Variants in DAZAP1 observed in about 807,000 individuals in gnomAD.
DAZAP1 encodes the protein DAZ associated protein 1, also known as DAZ-associated protein 1.
In DAZAP1, 6 loss-of-function variants were observed where a neutral mutation model predicts 60.1. The observed-to-expected ratio is 0.10, with a 90% CI of 0.05 to 0.20. DAZAP1 has a LOEUF of 0.20. DAZAP1 is among the 10% of genes least tolerant of loss of function. DAZAP1 has a pLI of 1.00. For missense variants in DAZAP1, 366 were observed against 560.4 expected (o/e 0.65, Z 3.50); for synonymous variants, 235 against 215.9 (o/e 1.09, Z -0.78).
At chr19:1,421,363 T>C (rs556239945) in intron 5 of DAZAP1, 105 bp downstream of exon 5, 1 of 961,482 alleles carries the variant, frequency 1.0e-6, no homozygotes, top group Non-Finnish European at 1.6e-6. Flanking sequence ...GCACGGGCCT[T>C]TCAGGCTGGG....
At position 1,434,610 on chromosome 19, in the gene DAZAP1, C is replaced by A. The variant is rs900617111; in HGVS notation, c.1049-127C>A. On this transcript the variant is annotated intron_variant, in intron 11 of 11. Coordinates refer to ENST00000233078, the MANE Select transcript of DAZAP1 (RefSeq NM_018959.4). The surrounding 1 kb of genome is among the most constrained non-coding windows in gnomAD (Gnocchi z 8.0). Reference sequence around the variant, plus strand: ...CCCAGGTGCTGGCCTCAGAAGGGCCCCACCCGCACCCCGTGGGACCCGTGG... The same window carrying A: ...CCCAGGTGCTGGCCTCAGAAGGGCCACACCCGCACCCCGTGGGACCCGTGG... The A allele has an allele frequency of 2.1e-6, 2 of 953,780 alleles. No individual in the cohort carries two copies. The highest frequency in any genetic ancestry group is 2.7e-5 in the East Asian group (1 of 36,504). The allele number at this position is 953,780 out of a possible 1,614,324, so 59.1% of individuals were successfully genotyped here.
intron 1 of DAZAP1, chr19:1,409,918 A>T (rs990136903): frequency 6.6e-6 from 1 of 152,412 alleles, no homozygotes; most frequent in Non-Finnish European, 1.5e-5. Context: ...GCTCACTGCC[A>T]TGGAGGAGGC....
In DAZAP1 at chr19:1,426,227, G is replaced by A; in HGVS notation, c.546+267G>A. On this transcript the variant is annotated intron_variant, in intron 7 of 11. Coordinates refer to ENST00000233078, the MANE Select transcript of DAZAP1 (RefSeq NM_018959.4). The surrounding 1 kb of genome is among the most constrained non-coding windows in gnomAD (Gnocchi z 5.4). Reference sequence around the variant, plus strand: ...TGGGACTGGGCGGGTAGGGGGCTGGGGCTGGGAGGCTGTGGCGGTGTTGGG... The same window carrying A: ...TGGGACTGGGCGGGTAGGGGGCTGGAGCTGGGAGGCTGTGGCGGTGTTGGG... 4.5e-6 allele frequency: 2 copies of A among 440,154 alleles called. No homozygotes were observed. The highest frequency in any genetic ancestry group is 4.5e-5 in the East Asian group (1 of 22,268). 27.3% of individuals were successfully genotyped at this position (440,154 alleles called of 1,614,324 possible).
At chr19:1,409,617 G>A (rs898164584) in intron 1 of DAZAP1, among the ~76,000 whole-genome samples, 1 of 152,274 alleles carries the variant, frequency 6.6e-6, no homozygotes, top group Non-Finnish European at 1.5e-5. Flanking sequence ...ACAGCCGCCC[G>A]TCGCATGGGA....
intron 1 of DAZAP1, among the ~76,000 whole-genome samples, chr19:1,414,644 G>A (rs2082921701): frequency 6.6e-6 from 1 of 151,914 alleles, no homozygotes; most frequent in Admixed American, 6.6e-5. Context: ...GCTGAGGCAG[G>A]AGAATCGCTT....
At position 1,423,755 on chromosome 19, in the gene DAZAP1, G is replaced by A. The variant is rs755341563; in HGVS notation, c.463+1359G>A. On this transcript the variant is annotated intron_variant, in intron 6 of 11. Transcript: ENST00000233078. This position sits in a 1 kb window ranked among gnomAD's most constrained non-coding sequence, Gnocchi z 6.8. ...GCCTCTGATCTTGGGAAACTTGAGCGCGCGGGAATCTGAGGGTTGCTTCTA... is the reference window on the plus strand; with the variant it reads ...GCCTCTGATCTTGGGAAACTTGAGCACGCGGGAATCTGAGGGTTGCTTCTA... Among the ~76,000 whole-genome samples the A allele has an allele frequency of 7.4e-4, 113 of 152,352 alleles. No homozygotes were observed. The highest frequency in any genetic ancestry group is 2.4e-3 in the African/African-American group (98 of 41,580).
chr19:1,414,718 A>G (rs943916451), intron 1 of DAZAP1, among the ~76,000 whole-genome samples: 1 of 152,106 alleles, frequency 6.6e-6, no homozygotes, highest in Admixed American at 6.5e-5. Flanking sequence ...CCTGGGCAAC[A>G]CAGCGAGACA....
At chr19:1,421,299 C>T (rs1324481537) in intron 5 of DAZAP1, 41 bp downstream of exon 5, 2 of 1,576,598 alleles carry the variant, frequency 1.3e-6, no homozygotes, top group Non-Finnish European at 1.7e-6. Context: ...GGGGACAGAG[C>T]CGCTTCTGCT....
In DAZAP1 at chr19:1,407,785, G is replaced by C. The variant is rs2082707279; in HGVS notation, c.12G>C (p.Ser4=). Reference sequence around the variant, plus strand: ...CCGCCGCCGCCGCCATGAACAACTCGGGCGCCGACGAGATCGGGTGAGGAC... The same window carrying C: ...CCGCCGCCGCCGCCATGAACAACTCCGGCGCCGACGAGATCGGGTGAGGAC... MNN[S]GADEIGKLFV... Residue 4 remains serine, a synonymous_variant, in exon 1 of 12, where the codon TCG becomes TCC. Coordinates refer to ENST00000233078, the MANE Select transcript of DAZAP1 (RefSeq NM_018959.4). 3.7e-6 allele frequency: 4 copies of C among 1,082,128 alleles called. No individual in the cohort carries two copies. Among genetic ancestry groups the C allele is most frequent in the Non-Finnish European group, 4.5e-6 (4 of 892,228 alleles). The allele number at this position is 1,082,128 out of a possible 1,614,324, so 67.0% of individuals were successfully genotyped here. A position where few individuals can be genotyped will look rare whatever the true frequency, so the allele number is the denominator to read the frequency against.
At position 1,426,997 on chromosome 19, in the gene DAZAP1, A is replaced by G. The variant is rs2059664670; in HGVS notation, c.546+1037A>G. ...CCCCAGCCAGAGGTCTTGATAGCAG[A>G]ACTTTTTTAAAAACAGTAGCATGTG... On this transcript the variant is annotated intron_variant, in intron 7 of 11. Transcript: ENST00000233078. The surrounding 1 kb of genome is among the most constrained non-coding windows in gnomAD (Gnocchi z 5.4). 6.6e-6 allele frequency: 1 copy of G among 152,224 alleles called. No homozygotes were observed. Among genetic ancestry groups the G allele is most frequent in the African/African-American group, 2.4e-5 (1 of 41,442 alleles). 9.4% of individuals were successfully genotyped at this position (152,224 alleles called of 1,614,324 possible).
chr19:1,419,912 C>T (rs1167887669), intron 4 of DAZAP1, among the ~76,000 whole-genome samples: 2 of 143,546 alleles, frequency 1.4e-5, no homozygotes, highest in African/African-American at 2.6e-5. Context: ...GAAACCATCC[C>T]GATCGTCAAC....
At chr19:1,411,378 C>T (rs2082826155) in intron 1 of DAZAP1, among the ~76,000 whole-genome samples, 1 of 152,216 alleles carries the variant, frequency 6.6e-6, no homozygotes, top group African/African-American at 2.4e-5. Context: ...CCAGACATCA[C>T]CCAGTGTCCT....
chr19:1,419,698 A>T (rs943361095), intron 4 of DAZAP1, among the ~76,000 whole-genome samples: 1 of 152,216 alleles, frequency 6.6e-6, no homozygotes, highest in Non-Finnish European at 1.5e-5. Context: ...ATGGGCACGT[A>T]GTAAACTGCA....
rs1001818098 is a variant in DAZAP1, at chr19:1,433,359, C to A, written c.1048+669C>A. 3.8e-6 allele frequency: 1 copy of A among 266,616 alleles called. No homozygotes were observed. Among genetic ancestry groups the A allele is most frequent in the African/African-American group, 2.3e-5 (1 of 44,428 alleles). The allele number at this position is 266,616 out of a possible 1,614,324, so 16.5% of individuals were successfully genotyped here. ...GCCTCAGTGGGCAGGGCTCCAACTACGGTCAGCTCCTCCAGCACCAGGGGT... is the reference window on the plus strand; with the variant it reads ...GCCTCAGTGGGCAGGGCTCCAACTAAGGTCAGCTCCTCCAGCACCAGGGGT... On this transcript the variant is annotated intron_variant, in intron 11 of 11. Coordinates refer to ENST00000233078, the MANE Select transcript of DAZAP1 (RefSeq NM_018959.4). This position sits in a 1 kb window ranked among gnomAD's most constrained non-coding sequence, Gnocchi z 6.1.
chr19:1,413,322 GTGTC>G (rs1173601935), intron 1 of DAZAP1, among the ~76,000 whole-genome samples: 19 of 152,254 alleles, frequency 1.2e-4, no homozygotes, highest in African/African-American at 4.3e-4. Flanking sequence ...TTGATGGACA[GTGTC>G]TGGGAGGTGC....
chr19:1,424,273 G>A (rs1467431208), intron 6 of DAZAP1, among the ~76,000 whole-genome samples: 2 of 150,526 alleles, frequency 1.3e-5, no homozygotes, highest in African/African-American at 2.5e-5. Flanking sequence ...TCCATCCTGC[G>A]CTCCTCTCGC....
At chr19:1,421,587 G>C (rs1428888159) in intron 5 of DAZAP1, among the ~76,000 whole-genome samples, 1 of 152,244 alleles carries the variant, frequency 6.6e-6, no homozygotes, top group East Asian at 1.9e-4. Flanking sequence ...AGTGTGGCCT[G>C]GGCGAGCCAG....
In DAZAP1 at chr19:1,423,269, G is replaced by A. The variant is rs1175241348; in HGVS notation, c.463+873G>A. ...GTTAGGAGTGCTCCTCCTCCATGTCGGTTACGCTGTTAAGTCTTAGTCGTA... is the reference window on the plus strand; with the variant it reads ...GTTAGGAGTGCTCCTCCTCCATGTCAGTTACGCTGTTAAGTCTTAGTCGTA... On this transcript the variant is annotated intron_variant, in intron 6 of 11. Coordinates refer to ENST00000233078, the MANE Select transcript of DAZAP1 (RefSeq NM_018959.4). This position sits in a 1 kb window ranked among gnomAD's most constrained non-coding sequence, Gnocchi z 6.8. Among the ~76,000 whole-genome samples, 7 of 152,226 alleles carry A rather than the reference G, an allele frequency of 4.6e-5. No individual in the cohort carries two copies. Among genetic ancestry groups the A allele is most frequent in the Admixed American group, 1.3e-4 (2 of 15,284 alleles).
At chr19:1,421,379 G>C in intron 5 of DAZAP1, 121 bp downstream of exon 5, 2 of 810,746 alleles carry the variant, frequency 2.5e-6, no homozygotes, top group Non-Finnish European at 4.0e-6. Flanking sequence ...CTGGGAGCTC[G>C]CTGTCTCGTA....
Sources: gnomAD v4.1 joint callset for allele counts (sites outside exome capture counted in the v4.1 genomes callset) on GRCh38, gnomAD v4.1.1 for gene constraint, Gnocchi (gnomAD v3.1) non-coding constraint, MANE v1.5 for transcripts, NCBI Gene and HGNC (gene_info 2026-07-23, HGNC 2026-07-21) for gene names.